The following ADGRE1 variants were observed in gnomAD, a reference collection of about 807,000 sequenced individuals.
ADGRE1 encodes the protein EGF-like module receptor 1.
Under a neutral mutation model 102.7 loss-of-function variants are expected in ADGRE1, and 82 were observed. The ratio of observed to expected loss-of-function variants is 0.80; its 90% confidence interval spans 0.67 to 0.96. ADGRE1 has a LOEUF of 0.96. ADGRE1 is among the 40% of genes least tolerant of loss of function. The pLI is 0.00. For missense variants in ADGRE1, 1,032 were observed against 1,085.3 expected (o/e 0.95, Z 0.69); for synonymous variants, 398 against 399.6 (o/e 1.00, Z 0.05).
chr19:6,896,592 C>T (rs774699439), intron 3 of ADGRE1, 51 bp downstream of exon 3: 2 of 1,592,282 alleles, frequency 1.3e-6, no homozygotes, highest in African/African-American at 1.3e-5. Flanking sequence ...AAAATCAAGT[C>T]AAAGCTGGCT....
At chr19:6,910,143 G>A (rs670948) in intron 10 of ADGRE1, among the ~76,000 whole-genome samples, 95,548 of 151,676 alleles carry the variant, frequency 0.63, 31,895 homozygotes, top group Non-Finnish European at 0.75. Flanking sequence ...ACTTATAATT[G>A]TATTAATTTT....
chr19:6,930,763 G>A (rs1431230409), intron 17 of ADGRE1, among the ~76,000 whole-genome samples: 1 of 151,950 alleles, frequency 6.6e-6, no homozygotes, highest in East Asian at 1.9e-4. Flanking sequence ...TCAGCCTCCC[G>A]AGTAGCTGGG....
Position 6,896,481 on chromosome 19 carries a change from C to G in ADGRE1, c.178C>G (p.Gln60Glu). Residue 60 changes from glutamine (Q) to glutamate (E), a missense_variant, in exon 3 of 21, where the codon CAA becomes GAA. Coordinates refer to ENST00000312053, the MANE Select transcript of ADGRE1 (RefSeq NM_001974.5). ...TVDSYYCACK[Q>E]GFLSSNGQNH... is the part of the protein sequence containing the mutation. ...GGACAGTTACTATTGCGCTTGCAAA[C>G]AAGGCTTCCTGTCCAGCAATGGGCA... 3 of 1,614,114 alleles carry G rather than the reference C, an allele frequency of 1.9e-6. No individual in the cohort carries two copies. Among genetic ancestry groups the G allele is most frequent in the Non-Finnish European group, 2.5e-6 (3 of 1,179,998 alleles).
rs749263464 is a variant in ADGRE1, at chr19:6,903,967, AT to A, written c.802+18del. ...AATGTAGAGGTGAGCAGAGAGTTTG[AT>A]GGACAATCCAGAAAAGACATTTCTC... On this transcript the variant is annotated intron_variant, in intron 7 of 20. Coordinates refer to ENST00000312053, the MANE Select transcript of ADGRE1 (RefSeq NM_001974.5). 1 of 1,614,166 alleles carries A rather than the reference AT, an allele frequency of 6.2e-7. No homozygotes were observed. Among genetic ancestry groups the A allele is most frequent in the Non-Finnish European group, 8.5e-7 (1 of 1,180,020 alleles).
intron 17 of ADGRE1, among the ~76,000 whole-genome samples, chr19:6,934,243 T>A (rs941890384): frequency 6.6e-6 from 1 of 152,096 alleles, no homozygotes; most frequent in African/African-American, 2.4e-5. Context: ...TGTGATTGGT[T>A]AGGGGTACCT....
intron 2 of ADGRE1, chr19:6,896,162 G>A: frequency 2.2e-6 from 1 of 446,336 alleles, no homozygotes; most frequent in East Asian, 3.6e-5. Flanking sequence ...GACACCTGTG[G>A]CCCACCCTAC....
At chr19:6,916,418 G>A (rs1166156377) in intron 12 of ADGRE1, 50 bp downstream of exon 12, 8 of 1,569,914 alleles carry the variant, frequency 5.1e-6, no homozygotes, top group Non-Finnish European at 5.2e-6. Context: ...CCATCAATAA[G>A]TATTTATCGA....
chr19:6,917,144 A>C (rs536765169), intron 12 of ADGRE1, among the ~76,000 whole-genome samples: 1 of 147,220 alleles, frequency 6.8e-6, no homozygotes, highest in African/African-American at 2.5e-5. Context: ...GGCATGTTTC[A>C]ATAAAACTTT....
intron 10 of ADGRE1, among the ~76,000 whole-genome samples, chr19:6,909,635 T>A (rs1568346699): frequency 6.6e-6 from 1 of 152,164 alleles, no homozygotes; most frequent in Non-Finnish European, 1.5e-5. Context: ...TTGCTGTATA[T>A]AACCATCACC....
chr19:6,936,483 A>G (rs896679824), intron 18 of ADGRE1, among the ~76,000 whole-genome samples: 2 of 152,016 alleles, frequency 1.3e-5, no homozygotes, highest in African/African-American at 2.4e-5. Context: ...ATACATACAC[A>G]TACTCATAGC....
Position 6,903,843 on chromosome 19 carries a change from ATT to A in ADGRE1, c.696_697del (p.Ser233AsnfsTer34). The A allele has an allele frequency of 6.2e-7, 1 of 1,614,194 alleles. No individual in the cohort carries two copies. The highest frequency in any genetic ancestry group is 8.5e-7 in the Non-Finnish European group (1 of 1,180,022). On this transcript the variant is annotated frameshift_variant, in exon 7 of 21. Transcript: ENST00000312053. LOFTEE classifies it high-confidence loss of function. ...GAATGCACTGAAATGTGCCCCATCAATTCAACATGCACCAACACTCCTGGGAG... is the reference window on the plus strand; with the variant it reads ...GAATGCACTGAAATGTGCCCCATCAACAACATGCACCAACACTCCTGGGAG...
chr19:6,911,545 G>C (rs950677983), intron 10 of ADGRE1, among the ~76,000 whole-genome samples: 2 of 151,712 alleles, frequency 1.3e-5, no homozygotes, highest in African/African-American at 4.8e-5. Context: ...CCAGTGTTAA[G>C]AGGTAGATAA....
At position 6,935,007 on chromosome 19, in the gene ADGRE1, C is replaced by G; in HGVS notation, c.2310C>G (p.Thr770=). Residue 770 remains threonine (T), a synonymous_variant, in exon 18 of 21, where the codon ACC becomes ACG. Transcript: ENST00000312053. ...TVIVINSLLL[T]WTLWILRQRL... ...TGCAGATCAACTCCCTTCTCCTGAC[C>G]TGGACCTTGTGGATCCTGAGGCAGA... The G allele has an allele frequency of 6.3e-7, 1 of 1,593,914 alleles. No individual in the cohort carries two copies. The highest frequency in any genetic ancestry group is 8.6e-7 in the Non-Finnish European group (1 of 1,169,448).
intron 5 of ADGRE1, among the ~76,000 whole-genome samples, 156 bp from the exon 6 acceptor site, chr19:6,901,719 C>T (rs1419266410): frequency 6.6e-6 from 1 of 152,168 alleles, no homozygotes; most frequent in Non-Finnish European, 1.5e-5. Context: ...GGAAATATGT[C>T]CCACTGTGTG....
chr19:6,919,423 TCTCTC>T, intron 12 of ADGRE1, 120 bp from the exon 13 acceptor site: 2 of 557,818 alleles, frequency 3.6e-6, no homozygotes, highest in Non-Finnish European at 6.0e-6. Flanking sequence ...TCTCTCTCTC[TCTCTC>T]CCCCTCCCTC....
In ADGRE1 at chr19:6,940,366, G is replaced by T; in HGVS notation, c.*337G>T. On this transcript the variant is annotated 3_prime_UTR_variant, in exon 21 of 21. Coordinates refer to ENST00000312053, the MANE Select transcript of ADGRE1 (RefSeq NM_001974.5). ...TGCCCTTGTTGGTGCATGGTTCTAA[G>T]CATGCCCCTCCAGAGCCTATCATAC... 1 of 426,716 alleles carries T rather than the reference G, an allele frequency of 2.3e-6. No individual in the cohort carries two copies. Among genetic ancestry groups the T allele is most frequent in the South Asian group, 2.8e-5 (1 of 35,970 alleles). The allele number at this position is 426,716 out of a possible 1,614,324, so 26.4% of individuals were successfully genotyped here.
intron 17 of ADGRE1, among the ~76,000 whole-genome samples, chr19:6,931,561 G>A (rs917114082): frequency 1.3e-5 from 2 of 152,178 alleles, no homozygotes; most frequent in Non-Finnish European, 2.9e-5. Context: ...ATTTTGGGAG[G>A]CCGAGGCGGG....
intron 8 of ADGRE1, among the ~76,000 whole-genome samples, chr19:6,904,657 C>T (rs1033747120): frequency 1.1e-4 from 16 of 152,078 alleles, no homozygotes; most frequent in Admixed American, 9.2e-4. Flanking sequence ...AGGCGCCCGC[C>T]ACCACGCCTG....
In ADGRE1 at chr19:6,926,367, T is replaced by C. The variant is rs2228539; in HGVS notation, c.1988T>C (p.Met663Thr). The C allele has an allele frequency of 0.27, 438,985 of 1,613,270 alleles. 66,482 individuals carry two copies. Among genetic ancestry groups the C allele is most frequent in the African/African-American group, 0.6 (45,176 of 74,852 alleles). ...GATGCGCATGCTTCTCCCCTCCAGA[T>C]GGGCTGCGCCATCATCGCGGGCTTC... ...LAGIHKTDNK[M>T]GCAIIAGFLH... The change falls in exon 16 of 21, where the codon ATG becomes ACG. Residue 663 changes from methionine (M) to threonine (T), a missense_variant and splice_region_variant. Coordinates refer to ENST00000312053, the MANE Select transcript of ADGRE1 (RefSeq NM_001974.5).
Sources: gnomAD v4.1 joint callset for allele counts (sites outside exome capture counted in the v4.1 genomes callset) on GRCh38, gnomAD v4.1.1 for gene constraint, MANE v1.5 for transcripts, NCBI Gene and HGNC (gene_info 2026-07-23, HGNC 2026-07-21) for gene names.